Variants in PIP5K1B observed in about 807,000 individuals in gnomAD.
PIP5K1B encodes the protein phosphatidylinositol-4-phosphate 5-kinase type 1 beta.
PIP5K1B carries 42 observed loss-of-function variants against 67.0 expected under a neutral mutation model. The observed-to-expected ratio is 0.63, with a 90% CI of 0.49 to 0.81. The LOEUF (loss-of-function observed/expected upper bound fraction) is 0.81. Among genes scored for constraint, PIP5K1B ranks in the 30% least tolerant of loss-of-function variants. The pLI is 0.00. For synonymous variants in PIP5K1B, 214 were observed against 231.4 expected, an observed-to-expected ratio of 0.92 and a Z score of 0.68; for missense variants, 459 against 646.3, an observed-to-expected ratio of 0.71 and a Z score of 3.14.
chr9:68,789,277 T>C, intron 2 of PIP5K1B: 1 of 428,076 alleles, frequency 2.3e-6, no homozygotes, highest in South Asian at 2.1e-5. Context: ...TCTTTGAGGA[T>C]ATTTGACTCG....
At chr9:68,767,194 T>C (rs1440240772) in intron 2 of PIP5K1B, among the ~76,000 whole-genome samples, 3 of 152,216 alleles carry the variant, frequency 2.0e-5, no homozygotes, top group Non-Finnish European at 4.4e-5. Flanking sequence ...ATGATCTTAG[T>C]ACCAAAACTT....
chr9:68,935,065 T>A lies in PIP5K1B; in HGVS notation c.1357+20T>A. 1 of 1,600,826 alleles carries A rather than the reference T, an allele frequency of 6.2e-7. No homozygotes were observed. The highest frequency in any genetic ancestry group is 8.5e-7 in the Non-Finnish European group (1 of 1,172,734). ...AAGAAGGTAAAGATATGTAACTTTT[T>A]TAAAAAGACAAACGTTCTTGTGATT... On this transcript the variant is annotated intron_variant, in intron 13 of 15. Transcript: ENST00000265382.
intron 12 of PIP5K1B, among the ~76,000 whole-genome samples, chr9:68,926,327 C>T (rs1419316777): frequency 2.6e-5 from 4 of 152,018 alleles, no homozygotes; most frequent in Admixed American, 2.6e-4. Flanking sequence ...TAAAATATGG[C>T]ATGTGTCGCA....
intron 2 of PIP5K1B, chr9:68,782,648 T>C (rs1831361315): frequency 6.0e-6 from 1 of 167,078 alleles, no homozygotes; most frequent in Non-Finnish European, 1.5e-5. Flanking sequence ...TGGAGTGAAA[T>C]TGCATCGAGG....
At chr9:68,751,260 T>A (rs947988742) in intron 2 of PIP5K1B, among the ~76,000 whole-genome samples, 2 of 152,256 alleles carry the variant, frequency 1.3e-5, no homozygotes, top group African/African-American at 4.8e-5. Flanking sequence ...ATGTTGGTAG[T>A]TGTAATTTTA....
At chr9:68,863,519 A>G (rs2132261491) in intron 4 of PIP5K1B, among the ~76,000 whole-genome samples, 1 of 152,360 alleles carries the variant, frequency 6.6e-6, no homozygotes, top group Middle Eastern at 3.4e-3. Flanking sequence ...TAAATGGGAA[A>G]TATTGGTGTC....
At chr9:68,922,971 T>TAAA (rs1826485952) in intron 11 of PIP5K1B, among the ~76,000 whole-genome samples, 1 of 152,176 alleles carries the variant, frequency 6.6e-6, no homozygotes, top group Non-Finnish European at 1.5e-5. Context: ...TGCCTGTATG[T>TAAA]AAAAAAAGAA....
At chr9:68,985,260 T>C (rs918887638) in intron 14 of PIP5K1B, among the ~76,000 whole-genome samples, 37 of 151,914 alleles carry the variant, frequency 2.4e-4, no homozygotes, top group African/African-American at 8.9e-4. Flanking sequence ...TCTTCTTTTT[T>C]TTTTTTTTTG....
intron 1 of PIP5K1B, among the ~76,000 whole-genome samples, chr9:68,716,357 A>T (rs2132250820): frequency 6.6e-6 from 1 of 152,362 alleles, no homozygotes; most frequent in Non-Finnish European, 1.5e-5. Context: ...TATAACATTT[A>T]TTCTAAATAT....
intron 5 of PIP5K1B, among the ~76,000 whole-genome samples, chr9:68,874,065 G>A (rs1823758983): frequency 6.6e-6 from 1 of 152,220 alleles, no homozygotes. Context: ...GTTCAAGAGT[G>A]TGTAACCTCA....
chr9:68,730,175 A>G (rs1828353500), intron 1 of PIP5K1B, among the ~76,000 whole-genome samples: 1 of 152,248 alleles, frequency 6.6e-6, no homozygotes, highest in South Asian at 2.1e-4. Context: ...TAGAATGGTT[A>G]CATACAATTT....
chr9:68,749,497 C>T lies in PIP5K1B; in HGVS notation c.-86+6840C>T, dbSNP rs527914833. ...CCAGAACTGGGAGAGAATAAATTTT[C>T]GTAGTTTTAAGCCACCAAATTTAGT... On this transcript the variant is annotated intron_variant, in intron 2 of 15. Transcript: ENST00000265382. 2.0e-4 allele frequency among the ~76,000 whole-genome samples: 30 copies of T among 152,248 alleles called. No homozygotes were observed. The East Asian group carries it at 2.3e-3, about 12-fold the overall frequency.
rs185607858 is a variant in PIP5K1B, at chr9:68,857,523, G to C, written c.70-6314G>C. Among the ~76,000 whole-genome samples, 43 of 152,286 alleles carry C rather than the reference G, an allele frequency of 2.8e-4. 1 individual carries two copies. In the East Asian group the frequency reaches 7.9e-3, roughly 28 times the overall value. ...GACTATGACTTGTTTCTTGAGTATA[G>C]GTTCACGGAGAGGAGGGAGAACCTG... On this transcript the variant is annotated intron_variant, in intron 4 of 15. Transcript: ENST00000265382.
chr9:68,766,437 C>G (rs779384116), intron 2 of PIP5K1B, among the ~76,000 whole-genome samples: 3 of 152,080 alleles, frequency 2.0e-5, no homozygotes, highest in Non-Finnish European at 4.4e-5. Context: ...AAAAATTAAC[C>G]TACCTGCTTA....
chr9:68,888,921 C>A, intron 6 of PIP5K1B, 60 bp from the exon 7 acceptor site: 1 of 1,202,546 alleles, frequency 8.3e-7, no homozygotes, highest in Non-Finnish European at 1.2e-6. Flanking sequence ...TGATTGTCCT[C>A]CTTGGAGGCA....
chr9:68,889,928 A>G (rs1425790384), intron 7 of PIP5K1B, among the ~76,000 whole-genome samples: 5 of 152,204 alleles, frequency 3.3e-5, no homozygotes, highest in Admixed American at 2.6e-4. Flanking sequence ...CAAGGCCTTA[A>G]GTGCTTTGCA....
At chr9:68,801,567 G>A (rs1161314804) in intron 2 of PIP5K1B, among the ~76,000 whole-genome samples, 1 of 152,054 alleles carries the variant, frequency 6.6e-6, no homozygotes, top group African/African-American at 2.4e-5. Flanking sequence ...AAAACCACAG[G>A]GATTGACAGA....
chr9:68,996,670 T>G (rs1462696750), intron 15 of PIP5K1B, among the ~76,000 whole-genome samples: 4 of 152,214 alleles, frequency 2.6e-5, no homozygotes, highest in Non-Finnish European at 5.9e-5. Context: ...TAAGGCGGCT[T>G]CTTTGCCTGA....
intron 1 of PIP5K1B, among the ~76,000 whole-genome samples, chr9:68,735,314 G>GTTTTTTTTTTTTTTT (rs1335685051): frequency 6.0e-5 from 1 of 16,580 alleles, no homozygotes; most frequent in Non-Finnish European, 1.3e-4. Flanking sequence ...TTCCCCTAGT[G>GTTTTTTTTTTTTTTT]TCTTTTTTTT....
Sources: allele counts gnomAD v4.1 joint callset (sites outside exome capture counted in the v4.1 genomes callset), GRCh38; gene constraint gnomAD v4.1.1; transcripts MANE v1.5; gene names NCBI Gene and HGNC (gene_info 2026-07-23, HGNC 2026-07-21).